Variants in CD2 observed in about 807,000 individuals in gnomAD.
CD2 encodes the protein T-cell surface antigen CD2.
In CD2, 18 loss-of-function variants were observed where a neutral mutation model predicts 23.2. The observed-to-expected ratio is 0.77, with a 90% CI of 0.54 to 1.15. The LOEUF (loss-of-function observed/expected upper bound fraction) is 1.15, where lower values mean the gene tolerates loss of function less well. Among genes scored for constraint, CD2 ranks in the 50% most tolerant of loss-of-function variants. The probability of loss-of-function intolerance (pLI) is 0.00; values close to 1 mark genes in which losing one functional copy is unlikely to be tolerated. For missense variants in CD2, 424 were observed against 423.1 expected (o/e 1.00, Z -0.02); for synonymous variants, 162 against 151.9 (o/e 1.07, Z -0.49).
At chr1:116,759,589 G>A (rs990611728) in intron 2 of CD2, among the ~76,000 whole-genome samples, 2 of 152,172 alleles carry the variant, frequency 1.3e-5, no homozygotes, top group Non-Finnish European at 2.9e-5. Flanking sequence ...ATTATCGAAT[G>A]CATGAATTAC....
At chr1:116,758,990 A>G (rs544479337) in intron 2 of CD2, among the ~76,000 whole-genome samples, 22 of 152,168 alleles carry the variant, frequency 1.4e-4, no homozygotes, top group Non-Finnish European at 2.5e-4. Flanking sequence ...TAATTCACCT[A>G]TCATTCAATT....
intron 4 of CD2, among the ~76,000 whole-genome samples, chr1:116,767,564 C>T (rs1652252614): frequency 6.7e-6 from 1 of 149,624 alleles, no homozygotes; most frequent in African/African-American, 2.5e-5. Context: ...GCACTCTAGC[C>T]TGGGCAACAA....
In CD2 at chr1:116,768,642, G is replaced by A. The variant is rs1652295152; in HGVS notation, c.915G>A (p.Gln305=). The A allele has an allele frequency of 6.2e-7, 1 of 1,614,104 alleles. No individual in the cohort carries two copies. Among genetic ancestry groups the A allele is most frequent in the Non-Finnish European group, 8.5e-7 (1 of 1,180,026 alleles). The stretch of plus-strand genomic sequence containing the variant: ...CCCCGCCTCCTGGACACCGTGTTCA[G>A]CACCAGCCTCAGAAGAGGCCTCCTG... The part of the protein sequence containing the change: ...HRPPPPGHRV[Q]HQPQKRPPAP... The change falls in exon 5 of 5, where the codon CAG becomes CAA. Residue 305 remains glutamine, a synonymous_variant. Coordinates refer to ENST00000369478, the MANE Select transcript of CD2 (RefSeq NM_001767.5).
chr1:116,762,692 G>A (rs995007520), intron 3 of CD2, among the ~76,000 whole-genome samples: 3 of 152,212 alleles, frequency 2.0e-5, no homozygotes, highest in African/African-American at 7.2e-5. Context: ...TCATGGGCAT[G>A]TGATCTCCAA....
intron 2 of CD2, among the ~76,000 whole-genome samples, chr1:116,757,662 T>A (rs1020192493): frequency 2.6e-5 from 4 of 151,958 alleles, no homozygotes; most frequent in African/African-American, 9.7e-5. Context: ...GAAAAGAACT[T>A]CATAATATAA....
intron 2 of CD2, among the ~76,000 whole-genome samples, chr1:116,757,355 T>C (rs1651887248): frequency 6.6e-6 from 1 of 152,088 alleles, no homozygotes; most frequent in Non-Finnish European, 1.5e-5. Flanking sequence ...GAGTTGCTGC[T>C]GCAGGCTGAA....
At chr1:116,768,346 G>C (rs1000163147) in intron 4 of CD2, 118 bp from the exon 5 acceptor site, 4 of 914,944 alleles carry the variant, frequency 4.4e-6, no homozygotes, top group African/African-American at 1.7e-5. Flanking sequence ...GGCAACTTCT[G>C]CTTCCTCATT....
chr1:116,762,136 A>G (rs1242075274), intron 3 of CD2, among the ~76,000 whole-genome samples: 1 of 152,142 alleles, frequency 6.6e-6, no homozygotes, highest in Non-Finnish European at 1.5e-5. Flanking sequence ...GCCTCGGGAG[A>G]TCTTTGATTA....
At chr1:116,759,316 A>T (rs1158330714) in intron 2 of CD2, among the ~76,000 whole-genome samples, 1 of 152,122 alleles carries the variant, frequency 6.6e-6, no homozygotes, top group Non-Finnish European at 1.5e-5. Flanking sequence ...TGGTGTCTGG[A>T]AGTCAGAGTG....
At chr1:116,762,160 T>C (rs139841442) in intron 3 of CD2, among the ~76,000 whole-genome samples, 2 of 152,332 alleles carry the variant, frequency 1.3e-5, no homozygotes, top group African/African-American at 4.8e-5. Flanking sequence ...TTGCCAGATA[T>C]AGCAAATAAA....
chr1:116,768,290 G>A (rs1366830921), intron 4 of CD2, among the ~76,000 whole-genome samples, 174 bp from the exon 5 acceptor site: 2 of 152,150 alleles, frequency 1.3e-5, no homozygotes, highest in Admixed American at 1.3e-4. Context: ...ACCTTATGGT[G>A]AGCACTTCTT....
At chr1:116,762,590 G>T (rs967406764) in intron 3 of CD2, among the ~76,000 whole-genome samples, 1 of 152,160 alleles carries the variant, frequency 6.6e-6, no homozygotes, top group Admixed American at 6.5e-5. Context: ...TGACCATTTG[G>T]CTCAGATTAG....
At chr1:116,755,641 T>A (rs142325952) in intron 2 of CD2, among the ~76,000 whole-genome samples, 25 of 152,212 alleles carry the variant, frequency 1.6e-4, no homozygotes, top group African/African-American at 6.0e-4. Context: ...TAAATCAGAT[T>A]TTTTTTGCAT....
Position 116,760,620 on chromosome 1 carries a change from G to A in CD2, c.601G>A (p.Val201Ile), listed in dbSNP as rs1475924290. 1 of 1,614,060 alleles carries A rather than the reference G, an allele frequency of 6.2e-7. No homozygotes were observed. The highest frequency in any genetic ancestry group is 1.3e-5 in the African/African-American group (1 of 74,944). ...KVSKESSVEP[V>I]SCPEKGLDIY... Reference sequence around the variant, plus strand: ...CAGCAAGGAATCCAGTGTCGAGCCTGTCAGCTGTCCAGGTGCGTGGCGGGC... The same window carrying A: ...CAGCAAGGAATCCAGTGTCGAGCCTATCAGCTGTCCAGGTGCGTGGCGGGC... The change falls in exon 3 of 5, where the codon GTC becomes ATC. Residue 201 changes from valine (V) to isoleucine (I), a missense_variant. Coordinates refer to ENST00000369478, the MANE Select transcript of CD2 (RefSeq NM_001767.5).
At chr1:116,759,068 G>A (rs1048598509) in intron 2 of CD2, among the ~76,000 whole-genome samples, 2 of 152,228 alleles carry the variant, frequency 1.3e-5, no homozygotes, top group East Asian at 1.9e-4. Flanking sequence ...TCATGTTACT[G>A]TGTTGCTGTT....
At chr1:116,755,813 G>A (rs914074605) in intron 2 of CD2, among the ~76,000 whole-genome samples, 5 of 152,174 alleles carry the variant, frequency 3.3e-5, no homozygotes, top group African/African-American at 1.2e-4. Flanking sequence ...GGGAGAGAAG[G>A]TAGAGAAAGT....
chr1:116,765,290 A>G (rs1276150177), intron 4 of CD2, among the ~76,000 whole-genome samples: 1 of 152,166 alleles, frequency 6.6e-6, no homozygotes, highest in Non-Finnish European at 1.5e-5. Context: ...GGTGTCAGCC[A>G]TTGGCGGGAC....
chr1:116,754,583 C>A (rs750952835), intron 1 of CD2, 30 bp downstream of exon 1: 1 of 1,610,456 alleles, frequency 6.2e-7, no homozygotes, highest in Non-Finnish European at 8.5e-7. Flanking sequence ...AAGTCCCAAC[C>A]CAGCTTTCCC....
chr1:116,760,627 G>A lies in CD2; in HGVS notation c.608G>A (p.Cys203Tyr), dbSNP rs1652019564. Residue 203 changes from cysteine to tyrosine, a missense_variant, in exon 3 of 5, where the codon TGT (cysteine) becomes TAT (tyrosine). Coordinates refer to ENST00000369478, the MANE Select transcript of CD2 (RefSeq NM_001767.5). ...SKESSVEPVSCPEKGLDIYLI... is the reference protein window; with the variant it reads ...SKESSVEPVSYPEKGLDIYLI... ...GAATCCAGTGTCGAGCCTGTCAGCT[G>A]TCCAGGTGCGTGGCGGGCATCACTT... The A allele has an allele frequency of 6.2e-7, 1 of 1,613,448 alleles. No individual in the cohort carries two copies. The highest frequency in any genetic ancestry group is 8.5e-7 in the Non-Finnish European group (1 of 1,179,442).
Sources: allele counts gnomAD v4.1 joint callset (sites outside exome capture counted in the v4.1 genomes callset), GRCh38; gene constraint gnomAD v4.1.1; transcripts MANE v1.5; gene names NCBI Gene and HGNC (gene_info 2026-07-23, HGNC 2026-07-21).